ARHGEF18: variants seen among roughly 807,000 people sequenced by gnomAD.
The protein encoded by ARHGEF18 is Rho/Rac guanine nucleotide exchange factor 18.
In ARHGEF18, 93 loss-of-function variants were observed where a neutral mutation model predicts 155.7. The observed-to-expected ratio is 0.60, with a 90% confidence interval of 0.50 to 0.71. ARHGEF18 has a LOEUF of 0.71. Among genes scored for constraint, ARHGEF18 ranks in the 30% least tolerant of loss-of-function variants. The pLI, the probability that ARHGEF18 is intolerant of heterozygous loss-of-function variation, is 0.00. For missense variants in ARHGEF18, 1,593 were observed against 1,816.1 expected, an observed-to-expected ratio of 0.88 and a Z score of 2.23; for synonymous variants, 742 against 753.1, an observed-to-expected ratio of 0.99 and a Z score of 0.24.
At chr19:7,349,268 A>C (rs970631605) in intron 1 of ARHGEF18, 27 bp downstream of exon 1, 1 of 152,296 alleles carries the variant, frequency 6.6e-6, no homozygotes, top group Admixed American at 6.6e-5. Context: ...GGAAGTGGAG[A>C]GAGATGGACC....
At chr19:7,469,869 G>C (rs764897908) in intron 27 of ARHGEF18, 35 bp from the exon 28 acceptor site, 1 of 1,606,998 alleles carries the variant, frequency 6.2e-7, no homozygotes, top group Admixed American at 1.7e-5. Flanking sequence ...CAGCTGGCCA[G>C]CCTGGAGCTG....
intron 1 of ARHGEF18, among the ~76,000 whole-genome samples, chr19:7,358,116 TCCAGCCAA>T (rs1442823250): frequency 5.3e-5 from 8 of 152,062 alleles, no homozygotes; most frequent in South Asian, 2.1e-4. Flanking sequence ...CAACTATCTA[TCCAGCCAA>T]CCAGCCAATC....
chr19:7,379,639 A>G (rs1242667023), intron 7 of ARHGEF18, among the ~76,000 whole-genome samples: 1 of 152,146 alleles, frequency 6.6e-6, no homozygotes, highest in African/African-American at 2.4e-5. Context: ...AGAAGACAAG[A>G]GTTGGAGAGG....
intron 16 of ARHGEF18, among the ~76,000 whole-genome samples, chr19:7,451,622 C>G (rs1213470198): frequency 6.6e-6 from 1 of 151,704 alleles, no homozygotes; most frequent in Non-Finnish European, 1.5e-5. Context: ...GCTGTGTTAC[C>G]CAGGCTGGTG....
rs748625035 is a variant in ARHGEF18, at chr19:7,470,032, G to A, written c.3913+3G>A. The A allele has an allele frequency of 1.2e-6, 2 of 1,612,550 alleles. No individual in the cohort carries two copies. Among genetic ancestry groups the A allele is most frequent in the Admixed American group, 1.7e-5 (1 of 59,932 alleles). On this transcript the variant is annotated splice_donor_region_variant and intron_variant, in intron 28 of 28. Coordinates refer to ENST00000668164, the MANE Select transcript of ARHGEF18 (RefSeq NM_001367823.1). This position sits in a 1 kb window ranked among gnomAD's most constrained non-coding sequence, Gnocchi z 5.9. ...ACACAGTCCTGCGCCCCCACCAGGT[G>A]AGCCCCCACCCCCTGACATGAGCCC...
chr19:7,456,479 G>C, intron 18 of ARHGEF18, 76 bp downstream of exon 18: 2 of 1,329,890 alleles, frequency 1.5e-6, no homozygotes, highest in South Asian at 2.4e-5. Context: ...CACTTTGGGA[G>C]GCCGAGGTGG....
At chr19:7,419,437 C>A (rs111505002) in intron 10 of ARHGEF18, among the ~76,000 whole-genome samples, 1 of 151,340 alleles carries the variant, frequency 6.6e-6, no homozygotes, top group African/African-American at 2.4e-5. Context: ...CTTAGTCCCC[C>A]CACACCCCAG....
intron 10 of ARHGEF18, among the ~76,000 whole-genome samples, chr19:7,419,025 AC>A (rs1373826227): frequency 2.1e-5 from 3 of 142,954 alleles, no homozygotes; most frequent in African/African-American, 2.7e-5. Flanking sequence ...CGGCCTCTGT[AC>A]CCCAGATGTA....
chr19:7,381,866 T>G (rs1465392759), intron 8 of ARHGEF18, among the ~76,000 whole-genome samples: 2 of 152,016 alleles, frequency 1.3e-5, no homozygotes, highest in African/African-American at 4.8e-5. Flanking sequence ...ACTCACTCAT[T>G]CATTCAAGAA....
At chr19:7,447,191 A>G in intron 15 of ARHGEF18, 23 bp downstream of exon 15, 1 of 1,590,584 alleles carries the variant, frequency 6.3e-7, no homozygotes, top group East Asian at 2.3e-5. Flanking sequence ...TTTTTTTTTA[A>G]TCAAAAACTT....
downstream of ARHGEF18, among the ~76,000 whole-genome samples, chr19:7,475,965 A>T (rs1273025853): frequency 5.3e-5 from 8 of 152,180 alleles, no homozygotes; most frequent in Non-Finnish European, 5.9e-5. Context: ...GCCCCCACAG[A>T]TGGGGTCTCC....
At chr19:7,426,503 G>GA (rs990448848) in intron 10 of ARHGEF18, among the ~76,000 whole-genome samples, 1 of 125,446 alleles carries the variant, frequency 8.0e-6, no homozygotes, top group African/African-American at 2.8e-5. Flanking sequence ...AAAAAAAAAA[G>GA]AAAAAAAGCA....
intron 8 of ARHGEF18, among the ~76,000 whole-genome samples, chr19:7,381,971 C>T (rs941623797): frequency 2.0e-5 from 3 of 152,146 alleles, no homozygotes; most frequent in Non-Finnish European, 4.4e-5. Context: ...GGAAATAGAC[C>T]CTACCAGAGC....
Position 7,462,407 on chromosome 19 carries a change from T to A in ARHGEF18, c.2635+73T>A. 6.9e-7 allele frequency: 1 copy of A among 1,455,692 alleles called. No homozygotes were observed. Among genetic ancestry groups the A allele is most frequent in the East Asian group, 2.4e-5 (1 of 40,876 alleles). 90.2% of individuals were successfully genotyped at this position (1,455,692 alleles called of 1,614,324 possible). On this transcript the variant is annotated intron_variant, in intron 21 of 28. Coordinates refer to ENST00000668164, the MANE Select transcript of ARHGEF18 (RefSeq NM_001367823.1). The surrounding 1 kb of genome is among the most constrained non-coding windows in gnomAD (Gnocchi z 4.4). ...CTCCTCAGGGAACCCCAGGCCAGGC[T>A]CACGGCTCATTGTGGCCGACACGGC... is the stretch of plus-strand genomic sequence containing the variant.
In ARHGEF18 at chr19:7,471,140, G is replaced by A; in HGVS notation, c.*842G>A. 3.8e-6 allele frequency: 1 copy of A among 261,054 alleles called. No homozygotes were observed. 16.2% of individuals were successfully genotyped at this position (261,054 alleles called of 1,614,324 possible). A position where few individuals can be genotyped will look rare whatever the true frequency, so the allele number is the denominator to read the frequency against. ...CAGCCAGGGCGGGTACACACCCTGGGCACAGGGTCCTCAGCCCCCGGGAAA... is the reference window on the plus strand; with the variant it reads ...CAGCCAGGGCGGGTACACACCCTGGACACAGGGTCCTCAGCCCCCGGGAAA... On this transcript the variant is annotated 3_prime_UTR_variant, in exon 29 of 29. Transcript: ENST00000668164. The surrounding 1 kb of genome is among the most constrained non-coding windows in gnomAD (Gnocchi z 4.4).
chr19:7,472,557 G>C (rs1977091288), downstream of ARHGEF18: 1 of 171,420 alleles, frequency 5.8e-6, no homozygotes, highest in Non-Finnish European at 1.3e-5. Context: ...GGAGTAGCAG[G>C]TTCTGTTGGG....
chr19:7,379,864 C>CA (rs1263546803), intron 7 of ARHGEF18, among the ~76,000 whole-genome samples: 1 of 151,950 alleles, frequency 6.6e-6, no homozygotes, highest in African/African-American at 2.4e-5. Flanking sequence ...CCTGTCTCTA[C>CA]AAAAAACATT....
rs766146425 is a variant in ARHGEF18, at chr19:7,363,993, GAGGA to G, written c.15+1103_15+1106del. On this transcript the variant is annotated intron_variant, in intron 2 of 28. Coordinates refer to ENST00000668164, the MANE Select transcript of ARHGEF18 (RefSeq NM_001367823.1). ...AATGGATGGATGAGTAGAAGGGTGA[GAGGA>G]AGGAAGGAAGGAAGATGGGTGGATG... Among the ~76,000 whole-genome samples the G allele has an allele frequency of 1.5e-4, 23 of 149,570 alleles. No individual in the cohort carries two copies. In the South Asian group the frequency reaches 1.9e-3, roughly 13 times the overall value.
chr19:7,375,550 C>T (rs76116955), intron 3 of ARHGEF18, among the ~76,000 whole-genome samples, 170 bp from the exon 4 acceptor site: 2,002 of 152,304 alleles, frequency 0.013, 39 homozygotes, highest in African/African-American at 0.045. Flanking sequence ...TCCCCCTTGC[C>T]ACCCACTCCT....
Sources: gnomAD v4.1 joint callset for allele counts (sites outside exome capture counted in the v4.1 genomes callset) on GRCh38, gnomAD v4.1.1 for gene constraint, Gnocchi (gnomAD v3.1) non-coding constraint, MANE v1.5 for transcripts, NCBI Gene and HGNC (gene_info 2026-07-23, HGNC 2026-07-21) for gene names.